The following ERLEC1 variants were observed in gnomAD, a reference collection of about 807,000 sequenced individuals.
The protein encoded by ERLEC1 is endoplasmic reticulum lectin 1.
ERLEC1 carries 47 observed loss-of-function variants against 68.0 expected under a neutral mutation model. The observed-to-expected ratio is 0.69, with a 90% CI of 0.55 to 0.88. The LOEUF is 0.88. Among genes scored for constraint, ERLEC1 ranks in the 40% least tolerant of loss-of-function variants. The pLI is 0.00. For synonymous variants in ERLEC1, 225 were observed against 203.2 expected (o/e 1.11, Z -0.91); for missense variants, 567 against 583.8 (o/e 0.97, Z 0.30).
intron 11 of ERLEC1, among the ~76,000 whole-genome samples, chr2:53,813,946 G>C (rs999282223): frequency 6.6e-5 from 10 of 152,038 alleles, no homozygotes; most frequent in Non-Finnish European, 1.0e-4. Context: ...CCCTCCCACA[G>C]ACATTTAATT....
chr2:53,794,482 C>A, intron 2 of ERLEC1, 33 bp downstream of exon 2: 2 of 980,226 alleles, frequency 2.0e-6, no homozygotes, highest in South Asian at 1.5e-5. Flanking sequence ...ATAATCCTGT[C>A]ACCAAAAATA....
intron 11 of ERLEC1, 62 bp from the exon 12 acceptor site, chr2:53,814,481 A>G: frequency 8.3e-7 from 1 of 1,203,732 alleles, no homozygotes; most frequent in Non-Finnish European, 1.2e-6. Flanking sequence ...CACCCTACCC[A>G]TTACAATTAT....
chr2:53,799,173 G>A lies in ERLEC1; in HGVS notation c.525+92G>A. The A allele has an allele frequency of 7.6e-6, 8 of 1,051,002 alleles. No individual in the cohort carries two copies. In the East Asian group the frequency reaches 1.3e-4, roughly 17 times the overall value. 65.1% of individuals were successfully genotyped at this position (1,051,002 alleles called of 1,614,324 possible). A position where few individuals can be genotyped will look rare whatever the true frequency, so the allele number is the denominator to read the frequency against. On this transcript the variant is annotated intron_variant, in intron 6 of 13. Coordinates refer to ENST00000185150, the MANE Select transcript of ERLEC1 (RefSeq NM_015701.5). Reference sequence around the variant, plus strand: ...CCCAAGTGACAGAATATATCTTTATGTTCTTATTCTTCATCTATCAAATAC... The same window carrying A: ...CCCAAGTGACAGAATATATCTTTATATTCTTATTCTTCATCTATCAAATAC...
chr2:53,812,531 G>T (rs1225810877), intron 10 of ERLEC1, among the ~76,000 whole-genome samples: 1 of 152,126 alleles, frequency 6.6e-6, no homozygotes, highest in Non-Finnish European at 1.5e-5. Flanking sequence ...GGCCAAAGAT[G>T]CAATTAAGAA....
Position 53,801,635 on chromosome 2 carries a change from T to G in ERLEC1, c.749+15T>G. The G allele has an allele frequency of 6.2e-7, 1 of 1,612,908 alleles. No individual in the cohort carries two copies. The highest frequency in any genetic ancestry group is 8.5e-7 in the Non-Finnish European group (1 of 1,178,998). ...CCTAAATATAGGTAGGATGTGCATTTAATATTTTAAACATAAAATGCACAC... is the reference window on the plus strand; with the variant it reads ...CCTAAATATAGGTAGGATGTGCATTGAATATTTTAAACATAAAATGCACAC... On this transcript the variant is annotated intron_variant, in intron 7 of 13. Coordinates refer to ENST00000185150, the MANE Select transcript of ERLEC1 (RefSeq NM_015701.5).
Position 53,791,717 on chromosome 2 carries a change from A to G in ERLEC1, c.163-2628A>G, listed in dbSNP as rs553017802. On this transcript the variant is annotated intron_variant, in intron 1 of 13. Transcript: ENST00000185150. Reference sequence around the variant, plus strand: ...CTTCCCTTTTTTGCTGTGGTTCCAAACAAGCAGTTTCTTTTTACATTTGAA... The same window carrying G: ...CTTCCCTTTTTTGCTGTGGTTCCAAGCAAGCAGTTTCTTTTTACATTTGAA... 1.7e-3 allele frequency among the ~76,000 whole-genome samples: 262 copies of G among 152,218 alleles called. 1 individual carries two copies. Among genetic ancestry groups the G allele is most frequent in the Non-Finnish European group, 3.2e-3 (217 of 68,024 alleles).
intron 6 of ERLEC1, among the ~76,000 whole-genome samples, chr2:53,799,662 A>G (rs1219276034): frequency 6.6e-6 from 1 of 152,188 alleles, no homozygotes; most frequent in Non-Finnish European, 1.5e-5. Context: ...ATTTTTATAG[A>G]GTTTTTAAAA....
chr2:53,800,879 G>C (rs995884639), intron 6 of ERLEC1, among the ~76,000 whole-genome samples: 2 of 152,072 alleles, frequency 1.3e-5, no homozygotes, highest in African/African-American at 4.8e-5. Flanking sequence ...AGAGTAAGTA[G>C]ATTGATGAAC....
chr2:53,803,136 A>G (rs924578091), intron 8 of ERLEC1, among the ~76,000 whole-genome samples: 9 of 152,124 alleles, frequency 5.9e-5, no homozygotes, highest in African/African-American at 1.7e-4. Flanking sequence ...TGTTTTACCT[A>G]TGGATGTTTC....
At chr2:53,798,026 CTCTATTAAAAATACAAAAA>C (rs1675809915) in intron 5 of ERLEC1, among the ~76,000 whole-genome samples, 1 of 152,078 alleles carries the variant, frequency 6.6e-6, no homozygotes, top group Non-Finnish European at 1.5e-5. Flanking sequence ...GAAACCCCGT[CTCTATTAAAAATACAAAAA>C]TTAGCCGGGC....
At chr2:53,787,488 T>G in intron 1 of ERLEC1, 116 bp downstream of exon 1, 1 of 1,240,902 alleles carries the variant, frequency 8.1e-7, no homozygotes. Flanking sequence ...ACTCTTACCT[T>G]CCCCAAGCCA....
In ERLEC1 at chr2:53,797,459, G is replaced by A. The variant is rs1388066091; in HGVS notation, c.349-56G>A. The A allele has an allele frequency of 7.6e-6, 10 of 1,307,646 alleles. No homozygotes were observed. The African/African-American group carries it at 1.0e-4, about 13-fold the overall frequency. The allele number at this position is 1,307,646 out of a possible 1,614,324, so 81.0% of individuals were successfully genotyped here. A position where few individuals can be genotyped will look rare whatever the true frequency, so the allele number is the denominator to read the frequency against. Reference sequence around the variant, plus strand: ...TCTCAGCTGCTTCAAATATCAGAAAGTAATTCAGCTGAGTTATGTGGCTTT... The same window carrying A: ...TCTCAGCTGCTTCAAATATCAGAAAATAATTCAGCTGAGTTATGTGGCTTT... On this transcript the variant is annotated intron_variant, in intron 3 of 13. Coordinates refer to ENST00000185150, the MANE Select transcript of ERLEC1 (RefSeq NM_015701.5).
intron 8 of ERLEC1, among the ~76,000 whole-genome samples, chr2:53,806,661 T>A (rs1558602061): frequency 1.3e-5 from 2 of 152,072 alleles, no homozygotes; most frequent in Non-Finnish European, 2.9e-5. Flanking sequence ...CTTTCTGGAG[T>A]AACCGTCCAG....
intron 10 of ERLEC1, among the ~76,000 whole-genome samples, chr2:53,812,331 G>C (rs549831065): frequency 1.3e-5 from 2 of 152,286 alleles, no homozygotes; most frequent in East Asian, 3.9e-4. Context: ...TAAGGAAGAA[G>C]AAAGAAGGAA....
In ERLEC1 at chr2:53,787,242, T is replaced by C; in HGVS notation, c.32T>C (p.Leu11Pro). The change falls in exon 1 of 14, where the codon CTG becomes CCG. Residue 11 changes from leucine (L) to proline (P), a missense_variant. Coordinates refer to ENST00000185150, the MANE Select transcript of ERLEC1 (RefSeq NM_015701.5). ...GAAGGAGGCGGCGGCGTACGGAGTCTGGTCCCGGGCGGGCCGGTGTTACTG... is the reference window on the plus strand; with the variant it reads ...GAAGGAGGCGGCGGCGTACGGAGTCCGGTCCCGGGCGGGCCGGTGTTACTG... MEEGGGGVRS[L>P]VPGGPVLLVL... 1 of 1,606,442 alleles carries C rather than the reference T, an allele frequency of 6.2e-7. No homozygotes were observed. Among genetic ancestry groups the C allele is most frequent in the African/African-American group, 1.3e-5 (1 of 75,012 alleles).
In ERLEC1 at chr2:53,814,574, A is replaced by G. The variant is rs151315691; in HGVS notation, c.1258A>G (p.Ile420Val). The G allele has an allele frequency of 2.6e-5, 42 of 1,611,924 alleles. No homozygotes were observed. In the African/African-American group the frequency reaches 4.1e-4, roughly 16 times the overall value. ...GTCACATTTTTATGGAAATGGAGATATTTGTGATATAACTGACAAACCAAG... is the reference window on the plus strand; with the variant it reads ...GTCACATTTTTATGGAAATGGAGATGTTTGTGATATAACTGACAAACCAAG... ...MVSHFYGNGDICDITDKPRQV... is the reference protein window; with the variant it reads ...MVSHFYGNGDVCDITDKPRQV... The change falls in exon 12 of 14, where the codon ATT (isoleucine) becomes GTT (valine). Residue 420 changes from isoleucine to valine, a missense_variant. Physicochemically the swap from Ile to Val is conservative, Grantham distance 29. Coordinates refer to ENST00000185150, the MANE Select transcript of ERLEC1 (RefSeq NM_015701.5).
intron 1 of ERLEC1, among the ~76,000 whole-genome samples, chr2:53,788,365 G>A (rs1675191349): frequency 6.6e-6 from 1 of 151,992 alleles, no homozygotes; most frequent in Admixed American, 6.6e-5. Flanking sequence ...CAAGTGTTAG[G>A]GGTTTTTTGG....
intron 13 of ERLEC1, among the ~76,000 whole-genome samples, chr2:53,816,195 C>T (rs1457102165): frequency 6.6e-6 from 1 of 151,928 alleles, no homozygotes; most frequent in Non-Finnish European, 1.5e-5. Context: ...ATTCTTGTGC[C>T]TCAGCCTTCC....
intron 1 of ERLEC1, among the ~76,000 whole-genome samples, chr2:53,790,209 C>T (rs1038666197): frequency 6.6e-6 from 1 of 151,624 alleles, no homozygotes; most frequent in African/African-American, 2.4e-5. Context: ...TTCTTGTTGC[C>T]CAGCCTCCCC....
Sources: gnomAD v4.1 joint callset for allele counts (sites outside exome capture counted in the v4.1 genomes callset) on GRCh38, gnomAD v4.1.1 for gene constraint, MANE v1.5 for transcripts, NCBI Gene and HGNC (gene_info 2026-07-23, HGNC 2026-07-21) for gene names.